Variants in RGS7 observed in about 807,000 individuals in gnomAD.
RGS7 encodes the protein regulator of G-protein signaling 7.
RGS7 carries 27 observed loss-of-function variants against 81.1 expected under a neutral mutation model. The ratio of observed to expected loss-of-function variants is 0.33; its 90% CI spans 0.25 to 0.46. RGS7 has a LOEUF of 0.46. RGS7 is among the 20% of genes least tolerant of loss of function. The pLI is 1.00. For synonymous variants in RGS7, 208 were observed against 207.7 expected, an observed-to-expected ratio of 1.00 and a Z score of -0.01; for missense variants, 396 against 607.4, an observed-to-expected ratio of 0.65 and a Z score of 3.66.
intron 3 of RGS7, among the ~76,000 whole-genome samples, chr1:241,013,525 TC>T (rs1006842182): frequency 1.3e-5 from 2 of 152,202 alleles, no homozygotes; most frequent in African/African-American, 4.8e-5. Context: ...GTATTTTTTC[TC>T]CCCTTCAACA....
At chr1:241,318,148 T>C (rs887103332) in intron 2 of RGS7, among the ~76,000 whole-genome samples, 5 of 152,188 alleles carry the variant, frequency 3.3e-5, no homozygotes, top group African/African-American at 7.2e-5. Flanking sequence ...ATCATTCTGA[T>C]AGAAATGGGC....
intron 2 of RGS7, among the ~76,000 whole-genome samples, chr1:241,135,866 G>A (rs138927206): frequency 0.018 from 2,657 of 151,372 alleles, 96 homozygotes; most frequent in African/African-American, 0.061. Context: ...TCCGCCTCCC[G>A]GGTTCAAGCA....
intron 6 of RGS7, among the ~76,000 whole-genome samples, chr1:240,891,545 G>A (rs925833138): frequency 5.3e-5 from 8 of 151,484 alleles, no homozygotes; most frequent in South Asian, 2.1e-4. Context: ...TTTTTCAAAC[G>A]TACAATGTAA....
In RGS7 at chr1:241,195,274, G is replaced by A. The variant is rs560445782; in HGVS notation, c.79-96512C>T. Among the ~76,000 whole-genome samples the A allele has an allele frequency of 1.4e-4, 21 of 152,236 alleles. No individual in the cohort carries two copies. In the East Asian group the frequency reaches 3.7e-3, roughly 27 times the overall value. On this transcript the variant is annotated intron_variant, in intron 2 of 18. Coordinates refer to ENST00000440928, the MANE Select transcript of RGS7 (RefSeq NM_001364886.1). ...GCGGATCACCTGAGGTCAGGAGTTC[G>A]AGACCAGCCTGGCCAATGTGGTGAA...
chr1:241,045,157 A>C (rs938898937), intron 3 of RGS7, among the ~76,000 whole-genome samples: 2 of 152,072 alleles, frequency 1.3e-5, no homozygotes, highest in African/African-American at 2.4e-5. Context: ...ATATACCTTA[A>C]ATTTTATTAA....
chr1:240,827,265 C>A (rs1332668825), intron 9 of RGS7, 93 bp from the exon 10 acceptor site: 3 of 959,170 alleles, frequency 3.1e-6, no homozygotes, highest in Non-Finnish European at 5.1e-6. Context: ...AGAGCCCGAG[C>A]AAATGCCCCA....
chr1:240,980,420 T>A (rs1348002653), intron 4 of RGS7, among the ~76,000 whole-genome samples: 1 of 152,074 alleles, frequency 6.6e-6, no homozygotes, highest in Non-Finnish European at 1.5e-5. Context: ...CATCAAACCA[T>A]CCCTAGAGAT....
At chr1:241,266,493 A>G (rs921463616) in intron 2 of RGS7, among the ~76,000 whole-genome samples, 4 of 152,196 alleles carry the variant, frequency 2.6e-5, no homozygotes, top group African/African-American at 9.7e-5. Context: ...TCTTGGTTCC[A>G]TAATTGGCTA....
At chr1:240,807,685 G>A (rs1302754988) in intron 14 of RGS7, among the ~76,000 whole-genome samples, 3 of 152,050 alleles carry the variant, frequency 2.0e-5, no homozygotes, top group Non-Finnish European at 4.4e-5. Flanking sequence ...TAGAAAGGAA[G>A]GCTCAAGACC....
chr1:241,340,078 A>C (rs1033729770), intron 2 of RGS7, among the ~76,000 whole-genome samples: 1 of 152,212 alleles, frequency 6.6e-6, no homozygotes, highest in African/African-American at 2.4e-5. Flanking sequence ...GGAGAGTTAG[A>C]ACCTATTTCC....
chr1:241,207,195 C>A (rs1223153099), intron 2 of RGS7, among the ~76,000 whole-genome samples: 5 of 151,140 alleles, frequency 3.3e-5, no homozygotes. Context: ...TCTCAATCTC[C>A]CGACCTCGTG....
intron 6 of RGS7, among the ~76,000 whole-genome samples, chr1:240,900,598 A>G (rs1669838800): frequency 6.6e-6 from 1 of 152,130 alleles, no homozygotes; most frequent in Non-Finnish European, 1.5e-5. Flanking sequence ...AGCTGAGGCT[A>G]CACAACAACA....
chr1:241,230,096 T>G (rs1383745979), intron 2 of RGS7, among the ~76,000 whole-genome samples: 1 of 152,204 alleles, frequency 6.6e-6, no homozygotes. Context: ...AATTCTGTCC[T>G]TCTAATATAA....
At chr1:241,023,637 A>C (rs1572323236) in intron 3 of RGS7, among the ~76,000 whole-genome samples, 1 of 152,226 alleles carries the variant, frequency 6.6e-6, no homozygotes, top group South Asian at 2.1e-4. Context: ...GCTCTGTCTT[A>C]ATTCTGATTT....
intron 6 of RGS7, among the ~76,000 whole-genome samples, chr1:240,921,400 T>A (rs77051904): frequency 0.01 from 1,538 of 152,114 alleles, 20 homozygotes; most frequent in African/African-American, 0.035. Context: ...TCGCTACTCC[T>A]ATTTGCCATT....
intron 2 of RGS7, among the ~76,000 whole-genome samples, chr1:241,301,598 T>C (rs2079763103): frequency 1.3e-5 from 2 of 152,350 alleles, no homozygotes; most frequent in South Asian, 2.1e-4. Context: ...ATTCTGCAAG[T>C]GTGCCACAAT....
At chr1:241,024,987 T>C (rs1248155172) in intron 3 of RGS7, among the ~76,000 whole-genome samples, 3 of 152,262 alleles carry the variant, frequency 2.0e-5, no homozygotes, top group African/African-American at 2.4e-5. Flanking sequence ...AGTACCGTAA[T>C]AGCTTTCAGT....
At chr1:240,951,088 AT>A (rs200433047) in intron 4 of RGS7, among the ~76,000 whole-genome samples, 3 of 151,842 alleles carry the variant, frequency 2.0e-5, no homozygotes, top group Non-Finnish European at 2.9e-5. Context: ...CACCGGGCTA[AT>A]TTTTTTTATT....
At chr1:241,259,238 T>C (rs1047452083) in intron 2 of RGS7, among the ~76,000 whole-genome samples, 11 of 152,178 alleles carry the variant, frequency 7.2e-5, no homozygotes, top group African/African-American at 2.4e-4. Context: ...AGCCGTGGTA[T>C]TGATTAGGCA....
Sources: allele counts gnomAD v4.1 joint callset (sites outside exome capture counted in the v4.1 genomes callset), GRCh38; gene constraint gnomAD v4.1.1; transcripts MANE v1.5; gene names NCBI Gene and HGNC (gene_info 2026-07-23, HGNC 2026-07-21).